THSD4: variants seen among roughly 807,000 people sequenced by gnomAD.
THSD4 encodes thrombospondin type 1 domain containing 4.
THSD4 carries 69 observed loss-of-function variants against 119.0 expected under a neutral mutation model. That is an observed-to-expected ratio of 0.58 (90% CI 0.48 to 0.71). The LOEUF (loss-of-function observed/expected upper bound fraction) is 0.71, where lower values mean the gene tolerates loss of function less well. THSD4 is among the 30% of genes least tolerant of loss of function. The pLI, the probability that THSD4 is intolerant of heterozygous loss-of-function variation, is 0.00. For synonymous variants in THSD4, 524 were observed against 540.4 expected (o/e 0.97, Z 0.42); for missense variants, 1,393 against 1,391.1 (o/e 1.00, Z -0.02).
At chr15:71,230,573 C>A (rs1471786795) in intron 4 of THSD4, among the ~76,000 whole-genome samples, 1 of 152,234 alleles carries the variant, frequency 6.6e-6, no homozygotes, top group Admixed American at 6.5e-5. Flanking sequence ...TTGTTATCTC[C>A]ATTTTGCTGC....
At chr15:71,599,362 A>G (rs1221630459) in intron 7 of THSD4, among the ~76,000 whole-genome samples, 1 of 152,144 alleles carries the variant, frequency 6.6e-6, no homozygotes, top group Admixed American at 6.5e-5. Context: ...CATCATACAC[A>G]GAGCCCACTT....
intron 17 of THSD4, among the ~76,000 whole-genome samples, chr15:71,775,976 G>A (rs2053905655): frequency 6.6e-6 from 1 of 152,118 alleles, no homozygotes. Context: ...TCAATAAATG[G>A]TCATGAGACA....
intron 1 of THSD4, among the ~76,000 whole-genome samples, chr15:71,098,189 CTT>C (rs55726832): frequency 4.0e-4 from 33 of 83,240 alleles, no homozygotes; most frequent in Non-Finnish European, 4.1e-4. Context: ...AATTCTTTCA[CTT>C]TTTTTTTTTT....
chr15:71,660,419 C>A, intron 7 of THSD4, 111 bp from the exon 8 acceptor site: 1 of 1,321,410 alleles, frequency 7.6e-7, no homozygotes, highest in Non-Finnish European at 1.1e-6. Context: ...CTAGAATATA[C>A]ATTTCGTAAA....
intron 1 of THSD4, among the ~76,000 whole-genome samples, chr15:71,132,720 G>A (rs1596214893): frequency 1.3e-5 from 2 of 152,322 alleles, no homozygotes; most frequent in South Asian, 4.1e-4. Flanking sequence ...TCCTCACCTT[G>A]TGAATGAATG....
intron 4 of THSD4, among the ~76,000 whole-genome samples, chr15:71,223,068 G>A (rs541399502): frequency 2.0e-5 from 3 of 152,162 alleles, no homozygotes; most frequent in African/African-American, 4.8e-5. Context: ...CAGTAAAGGC[G>A]TCTCAATGCC....
intron 1 of THSD4, among the ~76,000 whole-genome samples, chr15:71,109,556 A>G (rs1258768473): frequency 3.9e-5 from 6 of 152,060 alleles, no homozygotes; most frequent in African/African-American, 1.4e-4. Flanking sequence ...TTGCCATTCC[A>G]TAGGGGAGGC....
chr15:71,746,918 T>A lies in THSD4; in HGVS notation c.2117T>A (p.Val706Glu). The A allele has an allele frequency of 6.2e-7, 1 of 1,613,938 alleles. No homozygotes were observed. The highest frequency in any genetic ancestry group is 8.5e-7 in the Non-Finnish European group (1 of 1,180,024). ...MQHRQVLCRQ[V>E]YANRSLTVQP... Reference sequence around the variant, plus strand: ...CACCGCCAGGTTCTGTGCCGCCAGGTGTACGCCAACCGCAGCCTGACGGTG... The same window carrying A: ...CACCGCCAGGTTCTGTGCCGCCAGGAGTACGCCAACCGCAGCCTGACGGTG... The change falls in exon 13 of 18, where the codon GTG becomes GAG. Residue 706 changes from valine (V) to glutamate (E), a missense_variant. Coordinates refer to ENST00000261862, the MANE Select transcript of THSD4 (RefSeq NM_024817.3).
intron 6 of THSD4, among the ~76,000 whole-genome samples, chr15:71,313,735 C>T (rs2045145621): frequency 6.6e-6 from 1 of 152,068 alleles, no homozygotes; most frequent in Non-Finnish European, 1.5e-5. Context: ...CATACTTACC[C>T]CTCCCCAGAA....
chr15:71,382,544 C>T (rs1340997643), intron 6 of THSD4, among the ~76,000 whole-genome samples: 1 of 152,050 alleles, frequency 6.6e-6, no homozygotes, highest in Non-Finnish European at 1.5e-5. Flanking sequence ...CCTTCTGAAA[C>T]CACCTCCAAA....
At chr15:71,671,710 A>G (rs1490357433) in intron 8 of THSD4, among the ~76,000 whole-genome samples, 3 of 152,340 alleles carry the variant, frequency 2.0e-5, no homozygotes, top group East Asian at 3.9e-4. Context: ...ATGGCTAGCC[A>G]GTTTTCCCAG....
At chr15:71,490,088 A>G (rs2047890397) in intron 7 of THSD4, among the ~76,000 whole-genome samples, 1 of 152,262 alleles carries the variant, frequency 6.6e-6, no homozygotes, top group South Asian at 2.1e-4. Flanking sequence ...TACATAAAAT[A>G]TTTTACCATT....
At chr15:71,192,237 C>A (rs1425258570) in intron 3 of THSD4, among the ~76,000 whole-genome samples, 4 of 151,858 alleles carry the variant, frequency 2.6e-5, no homozygotes, top group African/African-American at 4.8e-5. Flanking sequence ...ATTCCAAAAG[C>A]CTTTTTTTGA....
At chr15:71,271,660 C>G (rs1255364628) in intron 6 of THSD4, among the ~76,000 whole-genome samples, 3 of 152,102 alleles carry the variant, frequency 2.0e-5, no homozygotes, top group African/African-American at 7.2e-5. Flanking sequence ...TCTCTTTTCC[C>G]TTTTCTCTTT....
At chr15:71,480,252 G>A (rs2047710277) in intron 7 of THSD4, among the ~76,000 whole-genome samples, 1 of 152,074 alleles carries the variant, frequency 6.6e-6, no homozygotes, top group South Asian at 2.1e-4. Flanking sequence ...TGCCCACGTT[G>A]GTCTCGAACT....
At chr15:71,174,057 A>C (rs886234391) in intron 3 of THSD4, among the ~76,000 whole-genome samples, 2 of 152,216 alleles carry the variant, frequency 1.3e-5, no homozygotes, top group Non-Finnish European at 2.9e-5. Context: ...CACCAAAGGC[A>C]CCAGGAACAA....
chr15:71,156,235 G>A (rs1475755442), intron 3 of THSD4, among the ~76,000 whole-genome samples: 1 of 151,958 alleles, frequency 6.6e-6, no homozygotes, highest in African/African-American at 2.4e-5. Flanking sequence ...CAAGTTGGTC[G>A]GCTCCTTTTC....
chr15:71,331,166 C>T (rs535166098), intron 6 of THSD4, among the ~76,000 whole-genome samples: 2 of 152,336 alleles, frequency 1.3e-5, no homozygotes, highest in South Asian at 4.1e-4. Context: ...GGCGTCTCCC[C>T]AGCCACCTAG....
intron 8 of THSD4, among the ~76,000 whole-genome samples, chr15:71,664,109 A>C (rs1243311137): frequency 6.6e-6 from 1 of 151,908 alleles, no homozygotes; most frequent in African/African-American, 2.4e-5. Context: ...CAGCCTCCCG[A>C]GTAGCTGGGA....
Sources: allele counts gnomAD v4.1 joint callset (sites outside exome capture counted in the v4.1 genomes callset), GRCh38; gene constraint gnomAD v4.1.1; transcripts MANE v1.5; gene names NCBI Gene and HGNC (gene_info 2026-07-23, HGNC 2026-07-21).